Variants in PPP1R9A observed in about 807,000 individuals in gnomAD.
The protein encoded by PPP1R9A is neurabin-1.
A neutral mutation model predicts 141.9 loss-of-function variants in PPP1R9A; 59 were observed. That is an observed-to-expected ratio of 0.42 (90% CI 0.34 to 0.52). PPP1R9A has a LOEUF of 0.52. Among genes scored for constraint, PPP1R9A ranks in the 20% least tolerant of loss-of-function variants. PPP1R9A has a pLI of 0.10. For missense variants in PPP1R9A, 1,444 were observed against 1,611.9 expected (o/e 0.90, Z 1.78); for synonymous variants, 500 against 569.7 (o/e 0.88, Z 1.74).
At chr7:95,125,261 G>A (rs1823361866) in intron 4 of PPP1R9A, among the ~76,000 whole-genome samples, 3 of 152,218 alleles carry the variant, frequency 2.0e-5, no homozygotes, top group Non-Finnish European at 2.9e-5. Context: ...GAGTATAAGC[G>A]AGTGCCACAG....
At chr7:95,104,216 C>T (rs778334794) in intron 2 of PPP1R9A, among the ~76,000 whole-genome samples, 7 of 152,102 alleles carry the variant, frequency 4.6e-5, no homozygotes, top group Non-Finnish European at 7.4e-5. Context: ...GGAGTAATAA[C>T]CTAACTAGTA....
At chr7:95,046,877 A>G (rs1810095328) in intron 2 of PPP1R9A, among the ~76,000 whole-genome samples, 1 of 152,236 alleles carries the variant, frequency 6.6e-6, no homozygotes, top group African/African-American at 2.4e-5. Context: ...TCTAATGTTT[A>G]TAACCACCTT....
chr7:95,098,591 A>C (rs1417607013), intron 2 of PPP1R9A, among the ~76,000 whole-genome samples: 1 of 152,064 alleles, frequency 6.6e-6, no homozygotes, highest in Non-Finnish European at 1.5e-5. Flanking sequence ...ATTCTCTTCC[A>C]CCACCCTGGG....
chr7:95,001,425 G>A (rs942437075), intron 2 of PPP1R9A, among the ~76,000 whole-genome samples: 1 of 152,094 alleles, frequency 6.6e-6, no homozygotes, highest in Non-Finnish European at 1.5e-5. Flanking sequence ...ATATATAAAG[G>A]CAAAAAAGTT....
At chr7:95,131,888 T>C (rs557613054) in intron 4 of PPP1R9A, among the ~76,000 whole-genome samples, 26 of 152,286 alleles carry the variant, frequency 1.7e-4, no homozygotes, top group African/African-American at 5.8e-4. Flanking sequence ...ATAGTTCTTC[T>C]TATAGATATC....
chr7:95,252,198 T>G, intron 12 of PPP1R9A, 68 bp downstream of exon 12: 1 of 1,444,890 alleles, frequency 6.9e-7, no homozygotes, highest in Non-Finnish European at 9.1e-7. Context: ...TTTTTCTTTT[T>G]CTGACCCAGA....
At position 95,142,639 on chromosome 7, in the gene PPP1R9A, GC is replaced by G. The variant is rs371039403; in HGVS notation, c.1650-19227del. Among the ~76,000 whole-genome samples the G allele has an allele frequency of 1.8e-4, 28 of 151,984 alleles. No homozygotes were observed. The East Asian group carries it at 4.3e-3, about 23-fold the overall frequency. On this transcript the variant is annotated intron_variant, in intron 4 of 19. Coordinates refer to ENST00000433360, the MANE Select transcript of PPP1R9A (RefSeq NM_001166160.2). ...AGTCTTTTTCCATTGAATGATCTTG[GC>G]ATCCTTGTTGAAAATCTGTTGATCA...
At chr7:94,930,369 A>G (rs542952947) in intron 2 of PPP1R9A, among the ~76,000 whole-genome samples, 1 of 152,204 alleles carries the variant, frequency 6.6e-6, no homozygotes, top group South Asian at 2.1e-4. Context: ...ATGGAGTCTC[A>G]CTCTGTCACC....
At chr7:95,208,870 A>T (rs942051851) in intron 7 of PPP1R9A, among the ~76,000 whole-genome samples, 3 of 151,890 alleles carry the variant, frequency 2.0e-5, no homozygotes, top group Admixed American at 1.3e-4. Context: ...AATGTTTAAA[A>T]AATACACACA....
chr7:94,935,470 A>G (rs1386423765), intron 2 of PPP1R9A, among the ~76,000 whole-genome samples: 2 of 152,178 alleles, frequency 1.3e-5, no homozygotes, highest in Non-Finnish European at 2.9e-5. Flanking sequence ...TCATAAAGCT[A>G]TTAACGTATG....
intron 2 of PPP1R9A, among the ~76,000 whole-genome samples, chr7:94,975,575 C>T (rs1317294362): frequency 6.6e-6 from 1 of 151,908 alleles, no homozygotes; most frequent in Non-Finnish European, 1.5e-5. Flanking sequence ...TGTAAGACAG[C>T]TGTTTGGAAC....
Position 94,911,141 on chromosome 7 carries a change from T to G in PPP1R9A, c.1028T>G (p.Leu343Arg). The change falls in exon 2 of 20, where the codon CTG becomes CGG. Residue 343 changes from leucine (L) to arginine (R), a missense_variant. By Grantham distance (102) the Leu-to-Arg change is moderately radical. Around this residue, in one of 5 missense-constraint regions of PPP1R9A, gnomAD observed 490 missense variants for 521.1 expected, o/e 0.94. Coordinates refer to ENST00000433360, the MANE Select transcript of PPP1R9A (RefSeq NM_001166160.2). ...KSEIPSPQSQ[L>R]LEDAEANLVG... Reference sequence around the variant, plus strand: ...GAAATCCCTTCACCACAAAGCCAACTGTTAGAAGATGCTGAAGCTAATTTG... The same window carrying G: ...GAAATCCCTTCACCACAAAGCCAACGGTTAGAAGATGCTGAAGCTAATTTG... The G allele has an allele frequency of 3.1e-6, 5 of 1,614,116 alleles. No homozygotes were observed. The highest frequency in any genetic ancestry group is 4.2e-6 in the Non-Finnish European group (5 of 1,180,014).
At chr7:95,215,220 G>A (rs890183115) in intron 7 of PPP1R9A, among the ~76,000 whole-genome samples, 1 of 149,386 alleles carries the variant, frequency 6.7e-6, no homozygotes, top group Non-Finnish European at 1.5e-5. Context: ...AACATGCGGT[G>A]TTTGTTTTTT....
intron 7 of PPP1R9A, among the ~76,000 whole-genome samples, chr7:95,215,294 C>T (rs1793103830): frequency 3.9e-5 from 6 of 152,098 alleles, no homozygotes; most frequent in Admixed American, 3.9e-4. Context: ...CAACAAAGGA[C>T]ATGAGCTCAT....
chr7:95,077,425 TTTGTTATTTTACTGAGTTAAAAGATA>T (rs1263106298), intron 2 of PPP1R9A, among the ~76,000 whole-genome samples: 3 of 152,104 alleles, frequency 2.0e-5, no homozygotes, highest in Non-Finnish European at 4.4e-5. Flanking sequence ...CTTTTTGACT[TTTGTTATTTTACTGAGTTAAAAGATA>T]ATTTTTAAGA....
intron 2 of PPP1R9A, among the ~76,000 whole-genome samples, chr7:95,079,585 T>C (rs897423333): frequency 6.6e-6 from 1 of 151,820 alleles, no homozygotes; most frequent in Non-Finnish European, 1.5e-5. Context: ...CCTAACTCAT[T>C]TTATGAGGCC....
chr7:95,158,999 T>A (rs1406923420), intron 4 of PPP1R9A, among the ~76,000 whole-genome samples: 1 of 152,196 alleles, frequency 6.6e-6, no homozygotes, highest in Non-Finnish European at 1.5e-5. Context: ...TGAAAATGCT[T>A]ATAATCTTTT....
At chr7:94,909,788 T>G (rs1432633112) in intron 1 of PPP1R9A, 110 bp from the exon 2 acceptor site, 1 of 181,758 alleles carries the variant, frequency 5.5e-6, no homozygotes, top group Non-Finnish European at 1.1e-5. Flanking sequence ...GAGTAATCTC[T>G]TCTGTTTGCC....
chr7:95,135,904 C>T (rs73220016), intron 4 of PPP1R9A, among the ~76,000 whole-genome samples: 16,377 of 132,412 alleles, frequency 0.12, 1,093 homozygotes, highest in Admixed American at 0.19. Context: ...TCTGTTCATC[C>T]TTCAAATGCC....
Sources: gnomAD v4.1 joint callset for allele counts (sites outside exome capture counted in the v4.1 genomes callset) on GRCh38, gnomAD v4.1.1 for gene constraint, gnomAD v4.1.1 regional missense constraint, MANE v1.5 for transcripts, NCBI Gene and HGNC (gene_info 2026-07-23, HGNC 2026-07-21) for gene names.